Variants in SLCO3A1 observed in about 807,000 individuals in gnomAD.
SLCO3A1 encodes the protein PGE1 transporter.
A neutral mutation model predicts 63.1 loss-of-function variants in SLCO3A1; 27 were observed. That is an observed-to-expected ratio of 0.43 (90% CI 0.32 to 0.59). The LOEUF is 0.59. Ranked by LOEUF, SLCO3A1 falls within the 20% of genes least tolerant of loss-of-function variation. The pLI, the probability that SLCO3A1 is intolerant of heterozygous loss-of-function variation, is 0.09. For synonymous variants in SLCO3A1, 473 were observed against 409.9 expected, an observed-to-expected ratio of 1.15 and a Z score of -1.86; for missense variants, 773 against 945.8, an observed-to-expected ratio of 0.82 and a Z score of 2.40.
At chr15:92,101,282 G>T (rs1218731717) in intron 3 of SLCO3A1, among the ~76,000 whole-genome samples, 2 of 152,164 alleles carry the variant, frequency 1.3e-5, no homozygotes, top group Admixed American at 6.5e-5. Flanking sequence ...GCCAACGCGG[G>T]TGGATCACCT....
downstream of SLCO3A1, among the ~76,000 whole-genome samples, chr15:92,167,246 A>G (rs2048498493): frequency 1.3e-5 from 2 of 152,220 alleles, no homozygotes; most frequent in Non-Finnish European, 1.5e-5. Context: ...GGAAAGTACC[A>G]GACACATGGC....
rs1754764255 is a variant in SLCO3A1 at position 92,128,359 on chromosome 15, C to T, written c.1382C>T (p.Pro461Leu). 1 of 1,613,854 alleles carries T rather than the reference C, an allele frequency of 6.2e-7. No individual in the cohort carries two copies. The change falls in exon 7 of 10, where the codon CCT becomes CTT. Residue 461 changes from proline (P) to leucine (L), a missense_variant. Physicochemically the swap from Pro to Leu is moderately conservative, Grantham distance 98. This residue lies in a region of SLCO3A1 where 565 missense variants were observed against 749.8 expected (regional missense o/e 0.75). Transcript: ENST00000318445. Reference sequence around the variant, plus strand: ...TTTCCTTTCTTTTCCAGCACAGCACCTGGCTCAGCCCTGGACCCCTACTCG... The same window carrying T: ...TTTCCTTTCTTTTCCAGCACAGCACTTGGCTCAGCCCTGGACCCCTACTCG... The part of the protein sequence containing the change: ...VTVPYGNSTA[P>L]GSALDPYSPC...
chr15:91,895,225 C>T (rs1221218342), intron 1 of SLCO3A1, among the ~76,000 whole-genome samples: 1 of 152,122 alleles, frequency 6.6e-6, no homozygotes, highest in Non-Finnish European at 1.5e-5. Flanking sequence ...TAACACAGTG[C>T]ACTTTCTTGG....
rs193297207 is a variant in SLCO3A1 at position 92,077,364 on chromosome 15, C to T, written c.647-17517C>T. Among the ~76,000 whole-genome samples, 14 of 152,230 alleles carry T rather than the reference C, an allele frequency of 9.2e-5. No individual in the cohort carries two copies. The East Asian group carries it at 1.7e-3, about 19-fold the overall frequency. ...GAGATGGTCATTTTTTTGACAGACA[C>T]GGCGTGAGGACCTTCACTGATTACC... On this transcript the variant is annotated intron_variant, in intron 2 of 9. Transcript: ENST00000318445.
rs146236522 is a variant in SLCO3A1, at chr15:91,882,935, C to T, written c.180+28847C>T. Among the ~76,000 whole-genome samples the T allele has an allele frequency of 6.6e-6, 1 of 152,114 alleles. No individual in the cohort carries two copies. Among genetic ancestry groups the T allele is most frequent in the African/African-American group, 2.4e-5 (1 of 41,418 alleles). On this transcript the variant is annotated intron_variant, in intron 1 of 9. Coordinates refer to ENST00000318445, the MANE Select transcript of SLCO3A1 (RefSeq NM_013272.4). The surrounding 1 kb of genome is among the most constrained non-coding windows in gnomAD (Gnocchi z 4.4). ...GTGTCCCAAAGAGATGTAATATCAC[C>T]TTGTTCTTTAAGAAGTTGGTTGGGC...
At chr15:92,136,725 A>C (rs1200301238) in intron 7 of SLCO3A1, among the ~76,000 whole-genome samples, 2 of 152,160 alleles carry the variant, frequency 1.3e-5, no homozygotes, top group Non-Finnish European at 2.9e-5. Flanking sequence ...TCTCCCTTTC[A>C]CCTGTGTCCG....
chr15:92,012,387 A>G (rs1364715713), intron 2 of SLCO3A1, among the ~76,000 whole-genome samples: 1 of 152,154 alleles, frequency 6.6e-6, no homozygotes, highest in Non-Finnish European at 1.5e-5. Context: ...GTCCCTTCCC[A>G]GCCCACAGTT....
In SLCO3A1 at chr15:92,165,221, G is replaced by A. The variant is rs1434020253; in HGVS notation, c.*2086G>A. ...CCTGGGGCAGGATGCTTCTGAGACA[G>A]GCCTTTCAACTGCTTAGTGTTAGTA... On this transcript the variant is annotated 3_prime_UTR_variant, in exon 10 of 10. Transcript: ENST00000318445. 2.0e-6 allele frequency: 2 copies of A among 985,366 alleles called. No homozygotes were observed. Among genetic ancestry groups the A allele is most frequent in the African/African-American group, 1.7e-5 (1 of 57,304 alleles). The allele number at this position is 985,366 out of a possible 1,614,324, so 61.0% of individuals were successfully genotyped here.
intron 2 of SLCO3A1, among the ~76,000 whole-genome samples, chr15:92,087,804 C>A (rs965532408): frequency 2.0e-5 from 3 of 152,154 alleles, no homozygotes; most frequent in African/African-American, 7.2e-5. Context: ...GAGGTGTGAG[C>A]CACCACGCCC....
chr15:92,011,758 C>T (rs530338003), intron 2 of SLCO3A1, among the ~76,000 whole-genome samples: 1 of 152,364 alleles, frequency 6.6e-6, no homozygotes, highest in African/African-American at 2.4e-5. Context: ...TGGCTCCTAG[C>T]GTGGTGCTTG....
At position 91,966,991 on chromosome 15, in the gene SLCO3A1, G is replaced by T. The variant is rs181855215; in HGVS notation, c.646+50533G>T. ...CAAAAGCGTGGTGCAGTTTTTTGGG[G>T]ATTTTTTTTTTTGACAGCAAGAGAG... On this transcript the variant is annotated intron_variant, in intron 2 of 9. Transcript: ENST00000318445. Among the ~76,000 whole-genome samples the T allele has an allele frequency of 2.4e-4, 37 of 151,852 alleles. No individual in the cohort carries two copies. The East Asian group carries it at 6.8e-3, about 28-fold the overall frequency.
At chr15:92,016,966 G>A (rs1283761569) in intron 2 of SLCO3A1, among the ~76,000 whole-genome samples, 1 of 144,250 alleles carries the variant, frequency 6.9e-6, no homozygotes, top group Non-Finnish European at 1.5e-5. Context: ...GAAGTCACAA[G>A]GGAGACCACT....
chr15:92,010,457 AGGAC>A, intron 2 of SLCO3A1, among the ~76,000 whole-genome samples: 1 of 152,286 alleles, frequency 6.6e-6, no homozygotes, highest in Non-Finnish European at 1.5e-5. Flanking sequence ...ACTTCTTCCT[AGGAC>A]ACTTATTAAC....
At chr15:91,947,473 C>CT (rs1487015641) in intron 2 of SLCO3A1, among the ~76,000 whole-genome samples, 1 of 152,166 alleles carries the variant, frequency 6.6e-6, no homozygotes, top group South Asian at 2.1e-4. Context: ...TCCTTCTTCC[C>CT]TTTTTTCTCT....
intron 4 of SLCO3A1, among the ~76,000 whole-genome samples, chr15:92,116,087 C>G (rs145113127): frequency 6.6e-6 from 1 of 152,142 alleles, no homozygotes; most frequent in African/African-American, 2.4e-5. Flanking sequence ...CTGTGCTGCT[C>G]TAACCATGGG....
intron 2 of SLCO3A1, among the ~76,000 whole-genome samples, chr15:92,019,814 T>C (rs141196189): frequency 4.5e-4 from 69 of 152,256 alleles, no homozygotes; most frequent in African/African-American, 1.6e-3. Context: ...GTGGGGTGGC[T>C]CCTTTCTACT....
At chr15:92,112,578 A>T (rs149018566) in intron 4 of SLCO3A1, among the ~76,000 whole-genome samples, 1 of 152,198 alleles carries the variant, frequency 6.6e-6, no homozygotes, top group African/African-American at 2.4e-5. Flanking sequence ...CCAATTGCCA[A>T]TGAATGCCAG....
At chr15:91,945,608 G>C (rs770528941) in intron 2 of SLCO3A1, among the ~76,000 whole-genome samples, 2 of 152,232 alleles carry the variant, frequency 1.3e-5, no homozygotes, top group African/African-American at 4.8e-5. Flanking sequence ...TAACACCCCA[G>C]GGGCAGAGGG....
At position 91,941,421 on chromosome 15, in the gene SLCO3A1, G is replaced by A. The variant is rs999324064; in HGVS notation, c.646+24963G>A. The A allele has an allele frequency of 7.3e-6, 3 of 411,242 alleles. No individual in the cohort carries two copies. Among genetic ancestry groups the A allele is most frequent in the Admixed American group, 5.8e-5 (2 of 34,676 alleles). The allele number at this position is 411,242 out of a possible 1,614,324, so 25.5% of individuals were successfully genotyped here. A position where few individuals can be genotyped will look rare whatever the true frequency, so the allele number is the denominator to read the frequency against. ...AGCAGATCTGTGTCACGGGAGTGGC[G>A]CTGTCACTCGTTGAGGTGGTGGCCT... On this transcript the variant is annotated intron_variant, in intron 2 of 9. Coordinates refer to ENST00000318445, the MANE Select transcript of SLCO3A1 (RefSeq NM_013272.4). The surrounding 1 kb of genome is among the most constrained non-coding windows in gnomAD (Gnocchi z 4.4).
Sources: gnomAD v4.1 joint callset for allele counts (sites outside exome capture counted in the v4.1 genomes callset) on GRCh38, gnomAD v4.1.1 for gene constraint, gnomAD v4.1.1 regional missense constraint, Gnocchi (gnomAD v3.1) non-coding constraint, MANE v1.5 for transcripts, NCBI Gene and HGNC (gene_info 2026-07-23, HGNC 2026-07-21) for gene names.